GRIN2B: variants seen among roughly 807,000 people sequenced by gnomAD.
GRIN2B encodes glutamate ionotropic receptor NMDA type subunit 2B.
A neutral mutation model predicts 114.5 loss-of-function variants in GRIN2B; 5 were observed. The observed-to-expected ratio is 0.04, with a 90% CI of 0.02 to 0.09. The LOEUF is 0.09. Among genes scored for constraint, GRIN2B ranks in the 10% least tolerant of loss-of-function variants. GRIN2B has a pLI of 1.00. For missense variants in GRIN2B, 1,108 were observed against 1,943.5 expected (o/e 0.57, Z 8.08); for synonymous variants, 787 against 745.1 (o/e 1.06, Z -0.92).
chr12:13,754,434 G>A (rs184261525), intron 3 of GRIN2B, among the ~76,000 whole-genome samples: 6 of 152,212 alleles, frequency 3.9e-5, no homozygotes, highest in Admixed American at 3.3e-4. Context: ...GTCACAGAGT[G>A]CATAATCCAA....
chr12:13,728,888 G>C (rs1331910968), intron 4 of GRIN2B, among the ~76,000 whole-genome samples: 1 of 151,718 alleles, frequency 6.6e-6, no homozygotes, highest in African/African-American at 2.4e-5. Flanking sequence ...ATTTCCTCTG[G>C]ACTCTTCTTC....
intron 4 of GRIN2B, among the ~76,000 whole-genome samples, chr12:13,701,432 T>A (rs893962449): frequency 6.6e-6 from 1 of 151,154 alleles, no homozygotes; most frequent in East Asian, 2.0e-4. Context: ...TTGGTCTCCC[T>A]CTGTAACATA....
chr12:13,970,686 AACACACACACACACACACACAC>A (rs5796570), intron 2 of GRIN2B, among the ~76,000 whole-genome samples: 1 of 145,052 alleles, frequency 6.9e-6, no homozygotes, highest in East Asian at 2.1e-4. Context: ...GCAGGCTCTA[AACACACACACACACACACACAC>A]ACACACACAC....
At chr12:13,730,440 T>C (rs1863069414) in intron 4 of GRIN2B, among the ~76,000 whole-genome samples, 2 of 152,196 alleles carry the variant, frequency 1.3e-5, no homozygotes, top group Non-Finnish European at 2.9e-5. Flanking sequence ...GTATACATTC[T>C]TATTTAACGA....
chr12:13,855,504 C>A (rs563824127), intron 3 of GRIN2B, among the ~76,000 whole-genome samples: 1 of 152,104 alleles, frequency 6.6e-6, no homozygotes, highest in Non-Finnish European at 1.5e-5. Flanking sequence ...AGGCCAGAAA[C>A]CTAAAATCAA....
chr12:13,605,142 G>A (rs1949221201), intron 10 of GRIN2B, among the ~76,000 whole-genome samples: 2 of 150,676 alleles, frequency 1.3e-5, no homozygotes, highest in African/African-American at 5.0e-5. Flanking sequence ...TCAGACAGAG[G>A]AATAGGTGGT....
intron 10 of GRIN2B, among the ~76,000 whole-genome samples, chr12:13,603,834 C>T (rs771446287): frequency 1.3e-5 from 2 of 151,826 alleles, no homozygotes; most frequent in Non-Finnish European, 2.9e-5. Context: ...GAGCCAAATA[C>T]ACAGGGACTC....
chr12:13,904,297 A>C (rs1866503768), intron 2 of GRIN2B, among the ~76,000 whole-genome samples: 1 of 151,890 alleles, frequency 6.6e-6, no homozygotes, highest in Non-Finnish European at 1.5e-5. Flanking sequence ...TAAATTCTAC[A>C]CTTGGTTTCT....
At chr12:13,943,383 C>A (rs1867297905) in intron 2 of GRIN2B, among the ~76,000 whole-genome samples, 1 of 152,064 alleles carries the variant, frequency 6.6e-6, no homozygotes, top group Non-Finnish European at 1.5e-5. Flanking sequence ...ATTTTCCTGA[C>A]AATAATTTGT....
chr12:13,979,419 C>G (rs969902526), intron 2 of GRIN2B, among the ~76,000 whole-genome samples: 1 of 150,380 alleles, frequency 6.6e-6, no homozygotes, highest in African/African-American at 2.5e-5. Context: ...ACAGTAATCT[C>G]AATCATTATT....
intron 3 of GRIN2B, among the ~76,000 whole-genome samples, chr12:13,770,278 TG>T (rs1418045119): frequency 6.6e-6 from 1 of 152,240 alleles, no homozygotes; most frequent in African/African-American, 2.4e-5. Context: ...TCCAAATCAT[TG>T]GGTGTTTCAC....
intron 2 of GRIN2B, among the ~76,000 whole-genome samples, chr12:13,910,732 C>T (rs1254761107): frequency 6.6e-6 from 1 of 152,196 alleles, no homozygotes; most frequent in Admixed American, 6.5e-5. Context: ...TGGATTCCTG[C>T]AGCTCTGAGG....
chr12:13,881,273 G>T, intron 2 of GRIN2B, among the ~76,000 whole-genome samples: 1 of 152,012 alleles, frequency 6.6e-6, no homozygotes, highest in East Asian at 1.9e-4. Flanking sequence ...TTCCCCCATT[G>T]CACCATCCAC....
chr12:13,618,058 A>C (rs950693835), intron 5 of GRIN2B, among the ~76,000 whole-genome samples: 1 of 152,254 alleles, frequency 6.6e-6, no homozygotes, highest in African/African-American at 2.4e-5. Flanking sequence ...AGAATCATGC[A>C]CTGAACCAAA....
intron 12 of GRIN2B, 56 bp downstream of exon 12, chr12:13,569,774 T>G: frequency 9.2e-7 from 1 of 1,086,096 alleles, no homozygotes. Context: ...AAGGTTGATG[T>G]TTTGGACTGG....
chr12:13,942,840 G>A (rs1326252738), intron 2 of GRIN2B, among the ~76,000 whole-genome samples: 1 of 152,108 alleles, frequency 6.6e-6, no homozygotes, highest in Admixed American at 6.5e-5. Context: ...CACTATATGG[G>A]AGAGACACAG....
At chr12:13,798,447 A>C (rs1268800804) in intron 3 of GRIN2B, among the ~76,000 whole-genome samples, 2 of 152,308 alleles carry the variant, frequency 1.3e-5, no homozygotes, top group Admixed American at 6.5e-5. Context: ...AGTTTCTGCT[A>C]ATTTTTTCTT....
Position 13,615,250 on chromosome 12 carries a change from G to A in GRIN2B, c.1518C>T (p.Ala506=). 1 of 1,614,004 alleles carries A rather than the reference G, an allele frequency of 6.2e-7. No homozygotes were observed. The highest frequency in any genetic ancestry group is 2.2e-5 in the East Asian group (1 of 44,874). ...GMIGEVVMKR[A]YMAVGSLTIN... ...TGGTGAGTGAGCCCACTGCCATGTA[G>A]GCCCTCTTCATGACCACCTAAAAGA... The change falls in exon 8 of 14, where the codon GCC becomes GCT. Residue 506 remains alanine, a synonymous_variant. Coordinates refer to ENST00000609686, the MANE Select transcript of GRIN2B (RefSeq NM_000834.5). This position sits in a 1 kb window ranked among gnomAD's most constrained non-coding sequence, Gnocchi z 5.8.
Position 13,707,721 on chromosome 12 carries a change from T to C in GRIN2B, c.1011-31862A>G, listed in dbSNP as rs553976163. 3.3e-5 allele frequency among the ~76,000 whole-genome samples: 5 copies of C among 152,166 alleles called. No individual in the cohort carries two copies. The South Asian group carries it at 1.0e-3, about 32-fold the overall frequency. ...GAGATAGGTGGAGAATGTGCAGATA[T>C]ACAAAACACGGCTGCTTTGTGGACA... On this transcript the variant is annotated intron_variant, in intron 4 of 13. Coordinates refer to ENST00000609686, the MANE Select transcript of GRIN2B (RefSeq NM_000834.5).
Sources: allele counts gnomAD v4.1 joint callset (sites outside exome capture counted in the v4.1 genomes callset), GRCh38; gene constraint gnomAD v4.1.1; non-coding constraint Gnocchi (gnomAD v3.1); transcripts MANE v1.5; gene names NCBI Gene and HGNC (gene_info 2026-07-23, HGNC 2026-07-21).